The following GPC6 variants were observed in gnomAD, a reference collection of about 807,000 sequenced individuals.
GPC6 encodes the protein glypican-6.
A neutral mutation model predicts 55.2 loss-of-function variants in GPC6; 14 were observed. The observed-to-expected ratio is 0.25, with a 90% confidence interval of 0.17 to 0.40. GPC6 has a LOEUF of 0.40. Ranked by LOEUF, GPC6 falls within the 10% of genes least tolerant of loss-of-function variation. GPC6 has a pLI of 1.00. For synonymous variants in GPC6, 278 were observed against 259.6 expected, an observed-to-expected ratio of 1.07 and a Z score of -0.68; for missense variants, 641 against 708.5, an observed-to-expected ratio of 0.90 and a Z score of 1.08.
At chr13:94,084,409 A>G (rs1373523377) in intron 4 of GPC6, among the ~76,000 whole-genome samples, 1 of 152,200 alleles carries the variant, frequency 6.6e-6, no homozygotes, top group East Asian at 1.9e-4. Context: ...GGAAATGGAT[A>G]GGAAAACTTT....
At chr13:93,673,567 C>T (rs969784898) in intron 2 of GPC6, among the ~76,000 whole-genome samples, 4 of 151,984 alleles carry the variant, frequency 2.6e-5, no homozygotes, top group Non-Finnish European at 5.9e-5. Flanking sequence ...TTGCCTTGCC[C>T]CTGGACCAGG....
rs1314944617 is a variant in GPC6 at position 93,435,516 on chromosome 13, A to G, written c.161-109747A>G. ...TTTAGTTTTGTTTGTAAAATCAGAT[A>G]TCACAATGGTAGTTCTTATTATTGC... is the stretch of plus-strand genomic sequence containing the variant. On this transcript the variant is annotated intron_variant, in intron 1 of 8. Transcript: ENST00000377047. Among the ~76,000 whole-genome samples, 3 of 152,014 alleles carry G rather than the reference A, an allele frequency of 2.0e-5. No homozygotes were observed. In the East Asian group the frequency reaches 5.8e-4, roughly 29 times the overall value.
chr13:93,403,683 G>C (rs774183539), intron 1 of GPC6, among the ~76,000 whole-genome samples: 1 of 152,090 alleles, frequency 6.6e-6, no homozygotes, highest in African/African-American at 2.4e-5. Flanking sequence ...TTATAATACA[G>C]TTCTTGGTTT....
At chr13:93,753,467 G>A (rs1884669149) in intron 2 of GPC6, among the ~76,000 whole-genome samples, 1 of 151,988 alleles carries the variant, frequency 6.6e-6, no homozygotes, top group South Asian at 2.1e-4. Flanking sequence ...TGGGTACATA[G>A]TAGGTGTATG....
intron 4 of GPC6, among the ~76,000 whole-genome samples, chr13:94,152,447 A>C (rs1176991726): frequency 6.6e-6 from 1 of 152,154 alleles, no homozygotes; most frequent in Non-Finnish European, 1.5e-5. Flanking sequence ...TCAAACAAAT[A>C]GTTCTGAAAA....
rs1380361166 is a variant in GPC6 at position 94,377,594 on chromosome 13, G to A, written c.1153-4820G>A. 1.6e-4 allele frequency among the ~76,000 whole-genome samples: 24 copies of A among 149,942 alleles called. 1 individual carries two copies. The East Asian group carries it at 2.4e-3, about 15-fold the overall frequency. On this transcript the variant is annotated intron_variant, in intron 6 of 8. Transcript: ENST00000377047. ...GAAATAGGAACACTTTTACACTGTT[G>A]GTGGGACTGTAAACTAGTTCAACCA...
intron 2 of GPC6, among the ~76,000 whole-genome samples, chr13:93,731,234 A>T (rs1266344050): frequency 6.6e-6 from 1 of 152,158 alleles, no homozygotes; most frequent in East Asian, 1.9e-4. Context: ...GTTAGCTTTT[A>T]TGGCTCTTTC....
chr13:93,831,146 T>C (rs1411478367), intron 3 of GPC6, among the ~76,000 whole-genome samples: 3 of 152,232 alleles, frequency 2.0e-5, no homozygotes, highest in Non-Finnish European at 2.9e-5. Context: ...TGTTACCCCT[T>C]ATCTTTGTAA....
intron 1 of GPC6, among the ~76,000 whole-genome samples, chr13:93,252,438 C>G (rs1358230206): frequency 6.6e-6 from 1 of 152,162 alleles, no homozygotes; most frequent in Admixed American, 6.5e-5. Context: ...TGTGCACACT[C>G]GTGACAATGC....
chr13:93,504,470 A>T (rs1880633465), intron 1 of GPC6, among the ~76,000 whole-genome samples: 1 of 143,624 alleles, frequency 7.0e-6, no homozygotes, highest in African/African-American at 2.6e-5. Context: ...TTATAAAAAT[A>T]AAAACAACAT....
chr13:93,827,665 A>G (rs147384329), intron 2 of GPC6, among the ~76,000 whole-genome samples: 320 of 152,346 alleles, frequency 2.1e-3, no homozygotes, highest in African/African-American at 7.2e-3. Flanking sequence ...TTTTGAGACA[A>G]TGGCATACTC....
intron 4 of GPC6, among the ~76,000 whole-genome samples, chr13:94,073,130 A>G (rs1884793888): frequency 6.6e-6 from 1 of 152,170 alleles, no homozygotes; most frequent in Non-Finnish European, 1.5e-5. Context: ...TCCCTCCTTG[A>G]CATCTGCATT....
Position 94,350,075 on chromosome 13 carries a change from T to TTGTGTGTGTGTG in GPC6, c.1153-32333_1153-32322dup, listed in dbSNP as rs367555548. Among the ~76,000 whole-genome samples the TTGTGTGTGTGTG allele has an allele frequency of 6.6e-3, 994 of 150,142 alleles. 6 individuals are homozygous for TTGTGTGTGTGTG. The highest frequency in any genetic ancestry group is 0.022 in the African/African-American group (911 of 40,774). ...ATATATATACATATATATATATCTT[T>TTGTGTGTGTGTG]TGTGTGTGTGTGTGTGTTTATGTGT... On this transcript the variant is annotated intron_variant, in intron 6 of 8. Transcript: ENST00000377047.
intron 3 of GPC6, among the ~76,000 whole-genome samples, chr13:93,917,727 G>A (rs1594586352): frequency 1.3e-5 from 2 of 152,250 alleles, no homozygotes; most frequent in African/African-American, 2.4e-5. Flanking sequence ...GTGTGGGTGC[G>A]ACCCCAGCCA....
At chr13:93,666,573 T>A (rs1482829693) in intron 2 of GPC6, among the ~76,000 whole-genome samples, 1 of 152,200 alleles carries the variant, frequency 6.6e-6, no homozygotes, top group Admixed American at 6.5e-5. Flanking sequence ...AAAAATGGTA[T>A]GTATTGTAAT....
chr13:94,118,166 C>T (rs1040026450), intron 4 of GPC6, among the ~76,000 whole-genome samples: 7 of 152,008 alleles, frequency 4.6e-5, no homozygotes, highest in Non-Finnish European at 8.8e-5. Flanking sequence ...TCATAATCCC[C>T]AAGTGTCATA....
At position 93,916,057 on chromosome 13, in the gene GPC6, C is replaced by G. The variant is rs187716033; in HGVS notation, c.711+85512C>G. ...TTCCCTGGGAGTCCTTCCCTAGAAG[C>G]CCAGCATCACGGGAGTAGGCAGCCT... is the stretch of plus-strand genomic sequence containing the variant. On this transcript the variant is annotated intron_variant, in intron 3 of 8. Transcript: ENST00000377047. Among the ~76,000 whole-genome samples the G allele has an allele frequency of 2.8e-3, 429 of 152,026 alleles. 1 individual carries two copies. The highest frequency in any genetic ancestry group is 4.1e-3 in the Non-Finnish European group (277 of 68,000).
intron 2 of GPC6, among the ~76,000 whole-genome samples, chr13:93,665,593 T>C (rs185337492): frequency 2.0e-5 from 3 of 152,284 alleles, no homozygotes; most frequent in East Asian, 1.9e-4. Context: ...AGAGTTAAGA[T>C]AGAATATAGC....
intron 1 of GPC6, among the ~76,000 whole-genome samples, chr13:93,324,571 T>TACAC (rs201233056): frequency 9.1e-6 from 1 of 109,438 alleles, no homozygotes; most frequent in African/African-American, 4.6e-5. Context: ...TATATATATA[T>TACAC]ACACACACAT....
Sources: allele counts gnomAD v4.1 joint callset (sites outside exome capture counted in the v4.1 genomes callset), GRCh38; gene constraint gnomAD v4.1.1; transcripts MANE v1.5; gene names NCBI Gene and HGNC (gene_info 2026-07-23, HGNC 2026-07-21).